The following RNF166 variants were observed in gnomAD, a reference collection of about 807,000 sequenced individuals.
RNF166 encodes the protein ring finger protein 166.
RNF166 carries 19 observed loss-of-function variants against 29.4 expected under a neutral mutation model. The ratio of observed to expected loss-of-function variants is 0.65; its 90% confidence interval spans 0.45 to 0.95. RNF166 has a LOEUF of 0.95. RNF166 is among the 40% of genes least tolerant of loss of function. The pLI is 0.00. For missense variants in RNF166, 347 were observed against 322.1 expected, an observed-to-expected ratio of 1.08 and a Z score of -0.59; for synonymous variants, 171 against 134.5, an observed-to-expected ratio of 1.27 and a Z score of -1.88.
At chr16:88,704,470 A>C in intron 1 of RNF166, 1 of 985,376 alleles carries the variant, frequency 1.0e-6, no homozygotes, top group Non-Finnish European at 1.2e-6. Flanking sequence ...ATTCTGTGTT[A>C]TGGAAACTAC....
chr16:88,701,694 G>C (rs1288217736), intron 1 of RNF166: 1 of 425,412 alleles, frequency 2.4e-6, no homozygotes, highest in Non-Finnish European at 4.2e-6. Context: ...GTCCCCGCGA[G>C]TGGGCCAGAG....
chr16:88,706,091 C>A, intron 1 of RNF166, 80 bp downstream of exon 1: 2 of 971,018 alleles, frequency 2.1e-6, no homozygotes, highest in Non-Finnish European at 2.5e-6. Flanking sequence ...GGAGCTGCAC[C>A]GGGGCGGCCG....
At chr16:88,704,324 C>G (rs1406955981) in intron 1 of RNF166, 1 of 985,318 alleles carries the variant, frequency 1.0e-6, no homozygotes, top group Non-Finnish European at 1.2e-6. Flanking sequence ...GGAGAAAAAT[C>G]TTTGAAAGGC....
chr16:88,697,373 C>T lies in RNF166; in HGVS notation c.*195G>A, dbSNP rs1026613234. On this transcript the variant is annotated 3_prime_UTR_variant, in exon 6 of 6. Coordinates refer to ENST00000312838, the MANE Select transcript of RNF166 (RefSeq NM_178841.4). ...ACCCAGCGACGCCGGTGGGACCAGG[C>T]GGCCCTGCTCTGGCGGCCTCGGCGG... 22 of 498,196 alleles carry T rather than the reference C, an allele frequency of 4.4e-5. No homozygotes were observed. The highest frequency in any genetic ancestry group is 5.4e-4 in the Middle Eastern group (1 of 1,862). 30.9% of individuals were successfully genotyped at this position (498,196 alleles called of 1,614,324 possible).
In RNF166 at chr16:88,706,306, A is replaced by G; in HGVS notation, c.20T>C (p.Leu7Pro). ...CTGCCGCTGCTGAGCCGAGGCCACC[A>G]GGCTGCGGAACATAGCCATCCCGGG... is the stretch of plus-strand genomic sequence containing the variant. MAMFRS[L>P]VASAQQRQPP... Residue 7 changes from leucine to proline, a missense_variant, in exon 1 of 6, where the codon CTG (leucine) becomes CCG (proline). By Grantham distance (98) the Leu-to-Pro change is moderately conservative. Transcript: ENST00000312838. 1.6e-6 allele frequency: 2 copies of G among 1,252,470 alleles called. No homozygotes were observed. Among genetic ancestry groups the G allele is most frequent in the Non-Finnish European group, 2.0e-6 (2 of 998,478 alleles). The allele number at this position is 1,252,470 out of a possible 1,614,324, so 77.6% of individuals were successfully genotyped here. A position where few individuals can be genotyped will look rare whatever the true frequency, so the allele number is the denominator to read the frequency against.
chr16:88,701,227 ACC>A, intron 2 of RNF166, 33 bp downstream of exon 2: 1 of 1,612,482 alleles, frequency 6.2e-7, no homozygotes, highest in East Asian at 2.2e-5. Context: ...CCATCAAGTG[ACC>A]CCGGCTCCAG....
intron 1 of RNF166, chr16:88,704,185 G>A (rs549549113): frequency 1.7e-3 from 1,649 of 985,458 alleles, no homozygotes; most frequent in Middle Eastern, 2.1e-3. Flanking sequence ...ACAAACTTCC[G>A]AAGGGAACCT....
At chr16:88,704,858 C>T (rs550795539) in intron 1 of RNF166, among the ~76,000 whole-genome samples, 27 of 152,234 alleles carry the variant, frequency 1.8e-4, no homozygotes, top group African/African-American at 5.5e-4. Context: ...GGCGTGGTGG[C>T]GGGTGCCTGT....
intron 1 of RNF166, 52 bp downstream of exon 1, chr16:88,706,119 C>G: frequency 1.8e-6 from 2 of 1,097,206 alleles, no homozygotes; most frequent in Non-Finnish European, 2.2e-6. Flanking sequence ...CGCGACCCCT[C>G]CCGCGGCGGG....
chr16:88,699,668 T>C lies in RNF166; in HGVS notation c.377A>G (p.Asn126Ser), dbSNP rs768562428. 61 of 1,613,502 alleles carry C rather than the reference T, an allele frequency of 3.8e-5. No homozygotes were observed. The Admixed American group carries it at 8.7e-4, about 23-fold the overall frequency. ...CACCACGGGGACGAACTTGGGGCAG[T>C]TGGCCATCTGCTCCTGGACCTTCAG... ...SCLKVQEQMA[N>S]CPKFVPVVPT... The change falls in exon 3 of 6, where the codon AAC becomes AGC. Residue 126 changes from asparagine to serine, a missense_variant. Physicochemically the swap from Asn to Ser is conservative, Grantham distance 46 (BLOSUM62 1). Transcript: ENST00000312838.
intron 1 of RNF166, among the ~76,000 whole-genome samples, chr16:88,701,988 A>AGG (rs1442898010): frequency 6.6e-6 from 1 of 152,144 alleles, no homozygotes; most frequent in South Asian, 2.1e-4. Context: ...CGCAGGCAGG[A>AGG]GGGGGTCCTG....
chr16:88,706,119 C>T (rs1910773666), intron 1 of RNF166, 52 bp downstream of exon 1: 10 of 1,097,096 alleles, frequency 9.1e-6, no homozygotes, highest in Non-Finnish European at 9.9e-6. Flanking sequence ...CGCGACCCCT[C>T]CCGCGGCGGG....
At chr16:88,701,223 A>G (rs373298455) in intron 2 of RNF166, 39 bp downstream of exon 2, 3 of 1,612,428 alleles carry the variant, frequency 1.9e-6, no homozygotes, top group South Asian at 2.2e-5. Context: ...CTGCCCATCA[A>G]GTGACCCCGG....
rs529080490 is a variant in RNF166 at position 88,700,916 on chromosome 16, C to G, written c.312+346G>C. 5.7e-5 allele frequency: 66 copies of G among 1,161,930 alleles called. 1 individual carries two copies. In the Admixed American group the frequency reaches 2.7e-3, roughly 48 times the overall value. The allele number at this position is 1,161,930 out of a possible 1,614,324, so 72.0% of individuals were successfully genotyped here. On this transcript the variant is annotated intron_variant, in intron 2 of 5. Coordinates refer to ENST00000312838, the MANE Select transcript of RNF166 (RefSeq NM_178841.4). ...TGACCTTGGAGCCCCCAGCGCCGTC[C>G]CCGGTATCGGCTGGCAGGGGAAGGC...
rs1910016001 is a variant in RNF166, at chr16:88,699,719, T to G, written c.326A>C (p.Lys109Thr). ...RGCNKKVTLA[K>T]MRVHISSCLK... is the part of the protein sequence containing the mutation. Reference sequence around the variant, plus strand: ...GCAGGACGAAATGTGCACTCTCATCTTTGCCAGGGTCACCTAGGAGACAGG... The same window carrying G: ...GCAGGACGAAATGTGCACTCTCATCGTTGCCAGGGTCACCTAGGAGACAGG... The change falls in exon 3 of 6, where the codon AAG becomes ACG. Residue 109 changes from lysine to threonine, a missense_variant. Coordinates refer to ENST00000312838, the MANE Select transcript of RNF166 (RefSeq NM_178841.4). The G allele has an allele frequency of 3.1e-6, 5 of 1,612,470 alleles. No individual in the cohort carries two copies. The East Asian group carries it at 1.1e-4, about 36-fold the overall frequency.
intron 1 of RNF166, among the ~76,000 whole-genome samples, chr16:88,702,153 C>CCCTCCTGCTGCCATCTACAACCG (rs151144464): frequency 6.6e-6 from 1 of 151,954 alleles, no homozygotes; most frequent in African/African-American, 2.4e-5. Context: ...GGCTCGCACA[C>CCCTCCTGCTGCCATCTACAACCG]CCTCCCGCTC....
chr16:88,698,268 G>T, intron 5 of RNF166: 1 of 694,728 alleles, frequency 1.4e-6, no homozygotes, highest in South Asian at 1.5e-5. Context: ...GCCCTGTGCG[G>T]TCCATGTCCC....
At chr16:88,703,286 T>C in intron 1 of RNF166, 1 of 985,110 alleles carries the variant, frequency 1.0e-6, no homozygotes, top group Non-Finnish European at 1.2e-6. Context: ...TGGAAACGAC[T>C]GGATGGTGCA....
chr16:88,696,802 C>A lies in RNF166; in HGVS notation c.*766G>T. 5.7e-6 allele frequency: 2 copies of A among 353,960 alleles called. No homozygotes were observed. The highest frequency in any genetic ancestry group is 4.2e-5 in the South Asian group (2 of 47,802). The allele number at this position is 353,960 out of a possible 1,614,324, so 21.9% of individuals were successfully genotyped here. A position where few individuals can be genotyped will look rare whatever the true frequency, so the allele number is the denominator to read the frequency against. ...GGTGCTGGGATTTCTTCCTGGTCAT[C>A]AAAGAGAAACGTACAAACCTCAAGG... On this transcript the variant is annotated 3_prime_UTR_variant, in exon 6 of 6. Coordinates refer to ENST00000312838, the MANE Select transcript of RNF166 (RefSeq NM_178841.4).
Sources: gnomAD v4.1 joint callset for allele counts (sites outside exome capture counted in the v4.1 genomes callset) on GRCh38, gnomAD v4.1.1 for gene constraint, MANE v1.5 for transcripts, NCBI Gene and HGNC (gene_info 2026-07-23, HGNC 2026-07-21) for gene names.